The following CNIH3 variants were observed in gnomAD, a reference collection of about 807,000 sequenced individuals.
CNIH3 encodes cornichon family AMPA receptor auxiliary protein 3.
CNIH3 carries 14 observed loss-of-function variants against 24.1 expected under a neutral mutation model. The ratio of observed to expected loss-of-function variants is 0.58; its 90% CI spans 0.38 to 0.91. The LOEUF is 0.91. CNIH3 is among the 40% of genes least tolerant of loss of function. The pLI, the probability that CNIH3 is intolerant of heterozygous loss-of-function variation, is 0.00. For synonymous variants in CNIH3, 68 were observed against 73.8 expected (o/e 0.92, Z 0.40); for missense variants, 178 against 196.8 (o/e 0.90, Z 0.57).
Position 224,479,029 on chromosome 1 carries a change from C to T in CNIH3, n.204-36712C>T, listed in dbSNP as rs887607207. 2.6e-5 allele frequency among the ~76,000 whole-genome samples: 4 copies of T among 152,050 alleles called. No homozygotes were observed. In the East Asian group the frequency reaches 5.8e-4, roughly 22 times the overall value. Reference sequence around the variant, plus strand: ...CTCCTACAACATGTGGGAATTCAAGCTGAGATTTTGGTGGGGACACAGCCA... The same window carrying T: ...CTCCTACAACATGTGGGAATTCAAGTTGAGATTTTGGTGGGGACACAGCCA... On this transcript the variant is annotated intron_variant and non_coding_transcript_variant, in intron 1 of 5. Coordinates refer to the CNIH3 transcript ENST00000471578.
At chr1:224,676,958 G>C (rs964834823) in intron 1 of CNIH3, among the ~76,000 whole-genome samples, 1 of 152,098 alleles carries the variant, frequency 6.6e-6, no homozygotes, top group Admixed American at 6.5e-5. Flanking sequence ...AATGTCTTCC[G>C]ACTCCTTATT....
At chr1:224,517,253 G>T (rs868196752) in intron 1 of CNIH3, among the ~76,000 whole-genome samples, 2 of 151,996 alleles carry the variant, frequency 1.3e-5, no homozygotes, top group Non-Finnish European at 2.9e-5. Flanking sequence ...AGCCTGTTCT[G>T]CACACCCAAT....
At chr1:224,572,922 G>A (rs577097356) in intron 4 of CNIH3, among the ~76,000 whole-genome samples, 7 of 152,104 alleles carry the variant, frequency 4.6e-5, no homozygotes, top group African/African-American at 1.7e-4. Context: ...GCAACACATT[G>A]AATAACCTAG....
intron 1 of CNIH3, among the ~76,000 whole-genome samples, chr1:224,480,903 A>AT (rs923227983): frequency 4.0e-5 from 6 of 151,868 alleles, no homozygotes; most frequent in Admixed American, 6.6e-5. Context: ...TTGCTTCCAT[A>AT]TTTTTTTTGG....
At chr1:224,633,051 G>T (rs1224468494) in intron 1 of CNIH3, among the ~76,000 whole-genome samples, 4 of 152,110 alleles carry the variant, frequency 2.6e-5, no homozygotes, top group African/African-American at 9.7e-5. Context: ...TCTATTGCTT[G>T]CTCCCTGCCC....
At chr1:224,578,220 C>A (rs960332068) in intron 4 of CNIH3, among the ~76,000 whole-genome samples, 2 of 152,180 alleles carry the variant, frequency 1.3e-5, no homozygotes, top group African/African-American at 4.8e-5. Context: ...GCTATTCCAA[C>A]TGGTAAAATA....
chr1:224,538,687 G>T (rs535071981), downstream of CNIH3, among the ~76,000 whole-genome samples: 12 of 149,618 alleles, frequency 8.0e-5, no homozygotes, highest in African/African-American at 2.5e-4. Context: ...AAGAGACAGG[G>T]TCTTGCGTGT....
intron 4 of CNIH3, among the ~76,000 whole-genome samples, chr1:224,576,108 T>G (rs1191576633): frequency 6.6e-6 from 1 of 152,216 alleles, no homozygotes; most frequent in African/African-American, 2.4e-5. Context: ...ATAAATGTAC[T>G]GAGAACTGCT....
intron 5 of CNIH3, among the ~76,000 whole-genome samples, chr1:224,736,999 G>GAGAC (rs1689624712): frequency 6.6e-6 from 1 of 152,156 alleles, no homozygotes; most frequent in Non-Finnish European, 1.5e-5. Context: ...CCTGTCCCCA[G>GAGAC]AGACAGCACT....
At chr1:224,674,456 G>A (rs1445481273) in intron 1 of CNIH3, among the ~76,000 whole-genome samples, 1 of 151,996 alleles carries the variant, frequency 6.6e-6, no homozygotes, top group Non-Finnish European at 1.5e-5. Context: ...ACCTCTTGAG[G>A]TGGGTCCACC....
intron 3 of CNIH3, among the ~76,000 whole-genome samples, chr1:224,562,186 C>T (rs1322192499): frequency 6.6e-6 from 1 of 152,196 alleles, no homozygotes; most frequent in Non-Finnish European, 1.5e-5. Flanking sequence ...TACATCATCT[C>T]ATTTACTCTT....
intron 4 of CNIH3, among the ~76,000 whole-genome samples, chr1:224,579,781 C>G (rs901178779): frequency 4.6e-5 from 7 of 152,198 alleles, no homozygotes; most frequent in African/African-American, 1.7e-4. Context: ...TTCTTCCTCT[C>G]TGGCCACATG....
chr1:224,458,100 T>C lies in CNIH3; in HGVS notation n.203+23238T>C, dbSNP rs896858135. 1.3e-5 allele frequency among the ~76,000 whole-genome samples: 2 copies of C among 152,210 alleles called. No homozygotes were observed. The highest frequency in any genetic ancestry group is 2.4e-5 in the African/African-American group (1 of 41,454). ...CCCTTCCAGGGCTCCTACCCTCTCC[T>C]GATTTTGCATCCAGGGACGTCCTCT... is the stretch of plus-strand genomic sequence containing the variant. On this transcript the variant is annotated intron_variant and non_coding_transcript_variant, in intron 1 of 5. Coordinates refer to the CNIH3 transcript ENST00000471578. This position sits in a 1 kb window ranked among gnomAD's most constrained non-coding sequence, Gnocchi z 4.3.
At chr1:224,737,980 G>A (rs951947026) in intron 5 of CNIH3, among the ~76,000 whole-genome samples, 3 of 152,196 alleles carry the variant, frequency 2.0e-5, no homozygotes, top group African/African-American at 7.2e-5. Flanking sequence ...TGAAGTAGTA[G>A]GACCACCCTC....
intron 1 of CNIH3, among the ~76,000 whole-genome samples, chr1:224,454,841 G>A (rs1280018055): frequency 6.6e-6 from 1 of 152,108 alleles, no homozygotes; most frequent in Non-Finnish European, 1.5e-5. Context: ...AGGAGTCACT[G>A]TCATTAGGAT....
chr1:224,618,033 CGCCAGGTGGAGG>C (rs1375859742), intron 1 of CNIH3, among the ~76,000 whole-genome samples: 1 of 152,190 alleles, frequency 6.6e-6, no homozygotes, highest in East Asian at 1.9e-4. Flanking sequence ...CCCGGGGCTA[CGCCAGGTGGAGG>C]GCAGCCGTGG....
chr1:224,542,711 C>G (rs551171207), intron 2 of CNIH3, among the ~76,000 whole-genome samples: 2 of 152,270 alleles, frequency 1.3e-5, no homozygotes, highest in East Asian at 3.9e-4. Context: ...CCAAAGACAG[C>G]CAAGGTGTCT....
chr1:224,440,405 G>A (rs1283971278), intron 1 of CNIH3, among the ~76,000 whole-genome samples: 2 of 151,892 alleles, frequency 1.3e-5, no homozygotes, highest in Non-Finnish European at 2.9e-5. Context: ...TTTATTTTTT[G>A]TCTAGAGGCA....
At chr1:224,658,832 T>C (rs776716605) in intron 1 of CNIH3, among the ~76,000 whole-genome samples, 13 of 152,172 alleles carry the variant, frequency 8.5e-5, no homozygotes, top group Non-Finnish European at 1.6e-4. Flanking sequence ...CTCTGTATAG[T>C]GTATTATTAA....
Sources: allele counts gnomAD v4.1 joint callset (sites outside exome capture counted in the v4.1 genomes callset), GRCh38; gene constraint gnomAD v4.1.1; non-coding constraint Gnocchi (gnomAD v3.1); transcripts MANE v1.5; gene names NCBI Gene and HGNC (gene_info 2026-07-23, HGNC 2026-07-21).